The following PHACTR1 variants were observed in gnomAD, a reference collection of about 807,000 sequenced individuals.
The protein encoded by PHACTR1 is RPEL repeat containing 1.
PHACTR1 carries 16 observed loss-of-function variants against 69.2 expected under a neutral mutation model. That is an observed-to-expected ratio of 0.23 (90% confidence interval 0.16 to 0.35). The LOEUF (loss-of-function observed/expected upper bound fraction) is 0.35. Among genes scored for constraint, PHACTR1 ranks in the 10% least tolerant of loss-of-function variants. PHACTR1 has a pLI of 1.00. For synonymous variants in PHACTR1, 312 were observed against 284.5 expected, an observed-to-expected ratio of 1.10 and a Z score of -0.97; for missense variants, 510 against 734.7, an observed-to-expected ratio of 0.69 and a Z score of 3.54.
intron 4 of PHACTR1, among the ~76,000 whole-genome samples, chr6:12,846,291 A>C (rs556543648): frequency 6.6e-6 from 1 of 152,342 alleles, no homozygotes; most frequent in East Asian, 1.9e-4. Flanking sequence ...GATACAGAGA[A>C]TATAATCTTA....
intron 4 of PHACTR1, among the ~76,000 whole-genome samples, chr6:12,821,483 AAGAG>A (rs138381209): frequency 0.5 from 47,244 of 94,410 alleles, 13,140 homozygotes; most frequent in East Asian, 0.74. Flanking sequence ...AAAAAAAAAA[AAGAG>A]AGAGAGAGAG....
At chr6:12,992,180 G>A (rs1796896292) in intron 4 of PHACTR1, among the ~76,000 whole-genome samples, 1 of 152,100 alleles carries the variant, frequency 6.6e-6, no homozygotes, top group Non-Finnish European at 1.5e-5. Flanking sequence ...GATAAATGTT[G>A]AAGGAGAAAT....
chr6:12,828,390 G>A (rs1561921582), intron 4 of PHACTR1, among the ~76,000 whole-genome samples: 2 of 152,012 alleles, frequency 1.3e-5, no homozygotes, highest in African/African-American at 4.8e-5. Flanking sequence ...AATTTTGATT[G>A]TATAGAAGGA....
rs181147670 is a variant in PHACTR1, at chr6:13,127,440, C to T, written c.416-32764C>T. Among the ~76,000 whole-genome samples, 288 of 152,212 alleles carry T rather than the reference C, an allele frequency of 1.9e-3. 3 individuals are homozygous for T. The highest frequency in any genetic ancestry group is 6.7e-3 in the African/African-American group (279 of 41,534). Reference sequence around the variant, plus strand: ...AAAAAATTAGCTGGGTATGGTGGCACATGCCTGTAGTCTCAGCTACTCAGG... The same window carrying T: ...AAAAAATTAGCTGGGTATGGTGGCATATGCCTGTAGTCTCAGCTACTCAGG... On this transcript the variant is annotated intron_variant, in intron 5 of 14. Transcript: ENST00000332995.
chr6:12,847,720 CA>C (rs1206304485), intron 4 of PHACTR1, among the ~76,000 whole-genome samples: 1 of 151,962 alleles, frequency 6.6e-6, no homozygotes, highest in Non-Finnish European at 1.5e-5. Context: ...AATTAAGATT[CA>C]TGGTAATAAA....
intron 4 of PHACTR1, among the ~76,000 whole-genome samples, chr6:13,013,767 C>T (rs1179838057): frequency 2.7e-5 from 4 of 150,734 alleles, no homozygotes; most frequent in African/African-American, 4.9e-5. Flanking sequence ...CCCGCCGCGG[C>T]GGTGCTTATA....
At chr6:12,961,883 T>G (rs1454179385) in intron 4 of PHACTR1, among the ~76,000 whole-genome samples, 4 of 152,184 alleles carry the variant, frequency 2.6e-5, no homozygotes, top group Admixed American at 2.0e-4. Context: ...TAGTTGTCCC[T>G]TAGTCTGTGG....
intron 5 of PHACTR1, among the ~76,000 whole-genome samples, chr6:13,077,187 A>AAAAG (rs570025443): frequency 0.29 from 42,462 of 147,598 alleles, 7,346 homozygotes; most frequent in African/African-American, 0.48. Flanking sequence ...AAAAAAAAAA[A>AAAAG]AAAGTGATTG....
intron 4 of PHACTR1, among the ~76,000 whole-genome samples, chr6:12,875,783 G>A (rs993665121): frequency 3.9e-5 from 6 of 152,076 alleles, no homozygotes; most frequent in Non-Finnish European, 7.4e-5. Flanking sequence ...AATATTTTTC[G>A]AGCTTTTCTG....
At chr6:12,772,141 G>A (rs775144670) in intron 4 of PHACTR1, among the ~76,000 whole-genome samples, 1 of 152,220 alleles carries the variant, frequency 6.6e-6, no homozygotes, top group Non-Finnish European at 1.5e-5. Flanking sequence ...GGAGACAGAT[G>A]TCAAGAGAGG....
At chr6:12,756,259 C>T (rs929628178) in intron 4 of PHACTR1, among the ~76,000 whole-genome samples, 1 of 152,092 alleles carries the variant, frequency 6.6e-6, no homozygotes, top group Non-Finnish European at 1.5e-5. Flanking sequence ...TACATTACAG[C>T]CAATGTCTTG....
At chr6:13,116,584 G>T (rs1324060736) in intron 5 of PHACTR1, among the ~76,000 whole-genome samples, 1 of 152,198 alleles carries the variant, frequency 6.6e-6, no homozygotes, top group East Asian at 1.9e-4. Flanking sequence ...CTCTTCTGGG[G>T]AACTGGCAGG....
At chr6:13,142,145 A>G (rs1382397582) in intron 5 of PHACTR1, among the ~76,000 whole-genome samples, 2 of 152,206 alleles carry the variant, frequency 1.3e-5, no homozygotes, top group African/African-American at 4.8e-5. Context: ...GTTGAAAGAA[A>G]TTTAAGAAGA....
intron 4 of PHACTR1, among the ~76,000 whole-genome samples, chr6:12,924,843 G>A (rs1446541998): frequency 6.6e-6 from 1 of 151,646 alleles, no homozygotes; most frequent in African/African-American, 2.4e-5. Flanking sequence ...ACACTCATTT[G>A]GACCCAACTT....
At chr6:13,067,906 A>T (rs1808899767) in intron 5 of PHACTR1, among the ~76,000 whole-genome samples, 1 of 152,022 alleles carries the variant, frequency 6.6e-6, no homozygotes, top group Non-Finnish European at 1.5e-5. Flanking sequence ...TTTATGGGAG[A>T]GGTGGTATAG....
intron 10 of PHACTR1, among the ~76,000 whole-genome samples, chr6:13,271,804 G>C (rs1260671186): frequency 6.6e-6 from 1 of 151,864 alleles, no homozygotes; most frequent in African/African-American, 2.4e-5. Flanking sequence ...TCATTGACTT[G>C]ATATTTTCAC....
chr6:12,791,731 T>C (rs1487686681), intron 4 of PHACTR1, among the ~76,000 whole-genome samples: 2 of 152,180 alleles, frequency 1.3e-5, no homozygotes, highest in East Asian at 3.8e-4. Context: ...AATAGCACAG[T>C]TCCACCACAA....
intron 3 of PHACTR1, among the ~76,000 whole-genome samples, chr6:12,728,016 A>G (rs1487387084): frequency 2.8e-5 from 4 of 142,844 alleles, no homozygotes; most frequent in Non-Finnish European, 4.4e-5. Context: ...CCAAAAGGGG[A>G]AAAAAAATGA....
At chr6:12,727,662 A>G (rs142842746) in intron 3 of PHACTR1, among the ~76,000 whole-genome samples, 100 of 152,318 alleles carry the variant, frequency 6.6e-4, no homozygotes, top group Non-Finnish European at 4.4e-5. Flanking sequence ...TGACCCAGTT[A>G]GCATAAACAA....
Sources: gnomAD v4.1 joint callset for allele counts (sites outside exome capture counted in the v4.1 genomes callset) on GRCh38, gnomAD v4.1.1 for gene constraint, MANE v1.5 for transcripts, NCBI Gene and HGNC (gene_info 2026-07-23, HGNC 2026-07-21) for gene names.